The following TCHHL1 variants were observed in gnomAD, a reference collection of about 807,000 sequenced individuals.
The protein encoded by TCHHL1 is trichohyalin-like protein 1.
TCHHL1 carries 1 observed loss-of-function variant against 3.5 expected under a neutral mutation model. The ratio of observed to expected loss-of-function variants is 0.29; its 90% CI spans 0.10 to 1.36. The LOEUF (loss-of-function observed/expected upper bound fraction) is 1.36. Ranked by LOEUF, TCHHL1 falls within the 40% of genes most tolerant of loss-of-function variation. The probability of loss-of-function intolerance (pLI) is 0.43; values close to 1 mark genes in which losing one functional copy is unlikely to be tolerated. For missense variants in TCHHL1, 1,027 were observed against 1,032.8 expected, an observed-to-expected ratio of 0.99 and a Z score of 0.08; for synonymous variants, 405 against 375.3, an observed-to-expected ratio of 1.08 and a Z score of -0.92.
In TCHHL1 at chr1:152,085,752, C is replaced by T; in HGVS notation, c.1930G>A (p.Gly644Ser). 1 of 1,614,184 alleles carries T rather than the reference C, an allele frequency of 6.2e-7. No homozygotes were observed. Among genetic ancestry groups the T allele is most frequent in the South Asian group, 1.1e-5 (1 of 91,080 alleles). The part of the protein sequence containing the change: ...KNQGPGTKGP[G>S]AAVEPNGHPE... ...TGTCCATTGGGCTCCACAGCTGCAC[C>T]TGGGCCTTTGGTCCCTGGGCCTTGA... The change falls in exon 3 of 3, where the codon GGT becomes AGT. Residue 644 changes from glycine to serine, a missense_variant. By Grantham distance (56) the Gly-to-Ser change is moderately conservative (BLOSUM62 0). This residue lies in a region of TCHHL1 where 673 missense variants were observed against 658.6 expected (regional missense o/e 1.02). Coordinates refer to ENST00000368806, the MANE Select transcript of TCHHL1 (RefSeq NM_001008536.2).
Sources: allele counts gnomAD v4.1 joint callset, GRCh38; gene constraint gnomAD v4.1.1; regional missense constraint gnomAD v4.1.1; transcripts MANE v1.5; gene names NCBI Gene and HGNC (gene_info 2026-07-23, HGNC 2026-07-21).